The following TTBK2 variants were observed in gnomAD, a reference collection of about 807,000 sequenced individuals.
TTBK2 encodes tau-tubulin kinase 2.
In TTBK2, 28 loss-of-function variants were observed where a neutral mutation model predicts 110.8. That is an observed-to-expected ratio of 0.25 (90% CI 0.19 to 0.35). The LOEUF is 0.35. TTBK2 is among the 10% of genes least tolerant of loss of function. The pLI, the probability that TTBK2 is intolerant of heterozygous loss-of-function variation, is 1.00. For missense variants in TTBK2, 1,369 were observed against 1,500.3 expected, an observed-to-expected ratio of 0.91 and a Z score of 1.45; for synonymous variants, 532 against 527.3, an observed-to-expected ratio of 1.01 and a Z score of -0.12.
chr15:42,747,588 C>T (rs1472775927), intron 14 of TTBK2, among the ~76,000 whole-genome samples: 1 of 152,170 alleles, frequency 6.6e-6, no homozygotes, highest in East Asian at 1.9e-4. Context: ...ACAGGGTTCA[C>T]GCTCCTATGG....
chr15:42,853,902 A>C (rs2141057666), intron 3 of TTBK2, among the ~76,000 whole-genome samples: 1 of 152,090 alleles, frequency 6.6e-6, no homozygotes, highest in East Asian at 1.9e-4. Flanking sequence ...AAAAATAAAA[A>C]ATAAATGAGA....
chr15:42,810,339 G>A (rs1056635197), intron 9 of TTBK2, among the ~76,000 whole-genome samples: 13 of 152,140 alleles, frequency 8.5e-5, no homozygotes, highest in Non-Finnish European at 1.3e-4. Flanking sequence ...AGTTCTATAC[G>A]CCGAATGAAT....
At chr15:42,812,504 T>C (rs2140930544) in intron 7 of TTBK2, among the ~76,000 whole-genome samples, 2 of 152,278 alleles carry the variant, frequency 1.3e-5, no homozygotes, top group East Asian at 1.9e-4. Context: ...CCTGCAGGAA[T>C]GACAGAAGCA....
At chr15:42,821,648 T>G (rs1892300855) in intron 6 of TTBK2, among the ~76,000 whole-genome samples, 1 of 152,022 alleles carries the variant, frequency 6.6e-6, no homozygotes, top group African/African-American at 2.4e-5. Context: ...CCATTCTAAC[T>G]GGTAGGCAGT....
At chr15:42,849,348 G>A (rs537548165) in intron 3 of TTBK2, among the ~76,000 whole-genome samples, 8 of 152,056 alleles carry the variant, frequency 5.3e-5, no homozygotes, top group Admixed American at 5.2e-4. Context: ...CTATTCCCTT[G>A]CTAAGATTGT....
intron 3 of TTBK2, among the ~76,000 whole-genome samples, chr15:42,854,798 GTATT>G (rs1353304884): frequency 6.6e-6 from 1 of 151,962 alleles, no homozygotes; most frequent in African/African-American, 2.4e-5. Context: ...CTGTCAACGA[GTATT>G]TATAGCACTC....
chr15:42,770,443 T>A (rs190322503), intron 13 of TTBK2, among the ~76,000 whole-genome samples: 2 of 152,314 alleles, frequency 1.3e-5, no homozygotes, highest in Non-Finnish European at 2.9e-5. Flanking sequence ...TCAACAAATG[T>A]TGCACACATG....
intron 10 of TTBK2, among the ~76,000 whole-genome samples, chr15:42,787,607 T>C (rs1049601904): frequency 1.3e-5 from 2 of 152,196 alleles, no homozygotes; most frequent in African/African-American, 4.8e-5. Context: ...AGTAACTTTA[T>C]AGTAGAAAGA....
At chr15:42,751,920 G>T (rs989548905) in intron 14 of TTBK2, 54 bp downstream of exon 14, 1 of 1,597,502 alleles carries the variant, frequency 6.3e-7, no homozygotes, top group African/African-American at 1.3e-5. Flanking sequence ...CTACAATAAA[G>T]CAGATATAGA....
At chr15:42,874,155 T>C (rs1168449592) in intron 2 of TTBK2, among the ~76,000 whole-genome samples, 2 of 152,190 alleles carry the variant, frequency 1.3e-5, no homozygotes, top group Non-Finnish European at 2.9e-5. Flanking sequence ...TGTCCTATCC[T>C]GCTACAGAGA....
At chr15:42,841,347 C>T (rs1283550512) in intron 3 of TTBK2, among the ~76,000 whole-genome samples, 1 of 151,922 alleles carries the variant, frequency 6.6e-6, no homozygotes, top group Non-Finnish European at 1.5e-5. Context: ...GTAGCTGGGA[C>T]TAGAGGTGTG....
chr15:42,764,150 G>A (rs967998688), intron 13 of TTBK2, among the ~76,000 whole-genome samples: 6 of 152,160 alleles, frequency 3.9e-5, no homozygotes, highest in Non-Finnish European at 5.9e-5. Context: ...CAAGATGGCC[G>A]AATAGGAACA....
intron 11 of TTBK2, among the ~76,000 whole-genome samples, chr15:42,783,111 G>C (rs1014948841): frequency 6.6e-6 from 1 of 152,248 alleles, no homozygotes; most frequent in East Asian, 1.9e-4. Flanking sequence ...ACCTGCTATA[G>C]TCTGAATGTT....
At position 42,744,414 on chromosome 15, in the gene TTBK2, G is replaced by C. The variant is rs2061767803; in HGVS notation, c.*1381C>G. On this transcript the variant is annotated 3_prime_UTR_variant, in exon 15 of 15. Transcript: ENST00000267890. ...GGTCAAACAGAAAGCACATATGTTT[G>C]CTAGAAGGCAAATTTCAACAGCAAG... 6.6e-6 allele frequency: 1 copy of C among 152,256 alleles called. No homozygotes were observed. The highest frequency in any genetic ancestry group is 1.5e-5 in the Non-Finnish European group (1 of 67,998). 9.4% of individuals were successfully genotyped at this position (152,256 alleles called of 1,614,324 possible).
chr15:42,759,289 C>A (rs1221446104), intron 13 of TTBK2, among the ~76,000 whole-genome samples: 1 of 152,220 alleles, frequency 6.6e-6, no homozygotes, highest in Admixed American at 6.5e-5. Context: ...GGAGCTGACC[C>A]ACCTTCAGGT....
Position 42,856,711 on chromosome 15 carries a change from A to T in TTBK2, c.217+15900T>A, listed in dbSNP as rs557554575. The stretch of plus-strand genomic sequence containing the variant: ...AGACCTTGTCTCTACTTAAAAAAAA[A>T]TTTTTTTTATGAAAAAAGAAAAAGA... On this transcript the variant is annotated intron_variant, in intron 3 of 14. Coordinates refer to ENST00000267890, the MANE Select transcript of TTBK2 (RefSeq NM_173500.4). 4.7e-3 allele frequency among the ~76,000 whole-genome samples: 708 copies of T among 152,134 alleles called. 3 individuals are homozygous for T. Among genetic ancestry groups the T allele is most frequent in the Non-Finnish European group, 7.3e-3 (499 of 67,988 alleles).
chr15:42,795,043 T>A (rs1439489857), intron 9 of TTBK2, among the ~76,000 whole-genome samples: 2 of 152,234 alleles, frequency 1.3e-5, no homozygotes, highest in African/African-American at 2.4e-5. Flanking sequence ...AAGCATCATA[T>A]CTATAACCTA....
intron 10 of TTBK2, 140 bp downstream of exon 10, chr15:42,794,504 G>C: frequency 5.2e-6 from 6 of 1,149,546 alleles, no homozygotes; most frequent in Non-Finnish European, 7.8e-6. Flanking sequence ...GTACATAAGA[G>C]CAATGTTAAT....
chr15:42,803,292 TA>T, intron 9 of TTBK2, among the ~76,000 whole-genome samples: 1 of 152,312 alleles, frequency 6.6e-6, no homozygotes, highest in Non-Finnish European at 1.5e-5. Context: ...TATGCAATGG[TA>T]AGTATTTGTG....
Sources: allele counts gnomAD v4.1 joint callset (sites outside exome capture counted in the v4.1 genomes callset), GRCh38; gene constraint gnomAD v4.1.1; transcripts MANE v1.5; gene names NCBI Gene and HGNC (gene_info 2026-07-23, HGNC 2026-07-21).